SNTB1: variants seen among roughly 807,000 people sequenced by gnomAD.
The protein encoded by SNTB1 is beta-1-syntrophin.
A neutral mutation model predicts 48.9 loss-of-function variants in SNTB1; 36 were observed. The ratio of observed to expected loss-of-function variants is 0.74; its 90% confidence interval spans 0.56 to 0.97. The LOEUF (loss-of-function observed/expected upper bound fraction) is 0.97, where lower values mean the gene tolerates loss of function less well. Among genes scored for constraint, SNTB1 ranks in the 50% least tolerant of loss-of-function variants. The pLI, the probability that SNTB1 is intolerant of heterozygous loss-of-function variation, is 0.00. For missense variants in SNTB1, 786 were observed against 703.4 expected (o/e 1.12, Z -1.33); for synonymous variants, 299 against 294.6 (o/e 1.01, Z -0.15).
rs139405999 is a variant in SNTB1, at chr8:120,665,199, C to T, written c.788+28493G>A. ...GGGCATGGTGGCTTACACCTGTAAT[C>T]CCAGTGCTTTGGGAGGCCGAGGTGG... is the stretch of plus-strand genomic sequence containing the variant. On this transcript the variant is annotated intron_variant, in intron 2 of 6. Coordinates refer to ENST00000517992, the MANE Select transcript of SNTB1 (RefSeq NM_021021.4). Among the ~76,000 whole-genome samples, 8 of 152,176 alleles carry T rather than the reference C, an allele frequency of 5.3e-5. No individual in the cohort carries two copies. In the East Asian group the frequency reaches 1.5e-3, roughly 29 times the overall value.
At chr8:120,645,640 A>G (rs202110042) in intron 2 of SNTB1, among the ~76,000 whole-genome samples, 129 of 128,832 alleles carry the variant, frequency 1.0e-3, no homozygotes, top group African/African-American at 3.7e-3. Context: ...TTGACTTGGC[A>G]ATGCGGGCTC....
At chr8:120,674,873 T>C (rs991923911) in intron 2 of SNTB1, among the ~76,000 whole-genome samples, 2 of 152,164 alleles carry the variant, frequency 1.3e-5, no homozygotes, top group Non-Finnish European at 2.9e-5. Context: ...ATCCTAGTAA[T>C]TATAAGCTAG....
Position 120,587,408 on chromosome 8 carries a change from C to T in SNTB1, c.997-12183G>A, listed in dbSNP as rs552215694. On this transcript the variant is annotated intron_variant, in intron 3 of 6. Transcript: ENST00000517992. ...ACAATAATCCTCTGGCCCCAACCCACTACCCATTCCCCACTCCTTTACTAA... is the reference window on the plus strand; with the variant it reads ...ACAATAATCCTCTGGCCCCAACCCATTACCCATTCCCCACTCCTTTACTAA... Among the ~76,000 whole-genome samples, 3 of 152,372 alleles carry T rather than the reference C, an allele frequency of 2.0e-5. No individual in the cohort carries two copies. The East Asian group carries it at 5.8e-4, about 29-fold the overall frequency.
intron 4 of SNTB1, among the ~76,000 whole-genome samples, chr8:120,564,775 T>A (rs1275868918): frequency 6.6e-6 from 1 of 151,892 alleles, no homozygotes; most frequent in Non-Finnish European, 1.5e-5. Flanking sequence ...TTCACCACGT[T>A]GGTCAGGCTG....
At chr8:120,602,633 G>A (rs1460358429) in intron 3 of SNTB1, among the ~76,000 whole-genome samples, 2 of 152,064 alleles carry the variant, frequency 1.3e-5, no homozygotes, top group East Asian at 3.8e-4. Context: ...GTGTTTCTAT[G>A]TATCTATCTA....
At position 120,728,473 on chromosome 8, in the gene SNTB1, A is replaced by G. The variant is rs116600321; in HGVS notation, c.572-34565T>C. 9.1e-3 allele frequency among the ~76,000 whole-genome samples: 1,372 copies of G among 151,158 alleles called. 24 individuals are homozygous for G. The highest frequency in any genetic ancestry group is 0.032 in the African/African-American group (1,312 of 41,122). Reference sequence around the variant, plus strand: ...ATAGTACCCAACAGTTGATTTCTCAACCCTTGTCCCCACTCCCTCCCTCCC... The same window carrying G: ...ATAGTACCCAACAGTTGATTTCTCAGCCCTTGTCCCCACTCCCTCCCTCCC... On this transcript the variant is annotated intron_variant, in intron 1 of 6. Transcript: ENST00000517992.
chr8:120,673,376 C>A (rs970557102), intron 2 of SNTB1, among the ~76,000 whole-genome samples: 1 of 151,198 alleles, frequency 6.6e-6, no homozygotes, highest in African/African-American at 2.4e-5. Flanking sequence ...CTGCAACCTC[C>A]GTCTCCTGGG....
At chr8:120,655,327 T>G (rs1817482082) in intron 2 of SNTB1, among the ~76,000 whole-genome samples, 1 of 152,210 alleles carries the variant, frequency 6.6e-6, no homozygotes, top group Non-Finnish European at 1.5e-5. Flanking sequence ...CTACAAGATG[T>G]AAAAGAAAGA....
intron 2 of SNTB1, among the ~76,000 whole-genome samples, chr8:120,647,651 G>A (rs1214965556): frequency 1.5e-5 from 2 of 132,390 alleles, no homozygotes; most frequent in Admixed American, 7.7e-5. Context: ...TGTTGATTTG[G>A]GGTGGAGAGT....
At chr8:120,777,514 G>A (rs938173680) in intron 1 of SNTB1, among the ~76,000 whole-genome samples, 2 of 152,114 alleles carry the variant, frequency 1.3e-5, no homozygotes, top group East Asian at 3.8e-4. Flanking sequence ...ATTTGCCATG[G>A]ATATGTCCCA....
At chr8:120,798,182 A>G (rs1289932371) in intron 1 of SNTB1, among the ~76,000 whole-genome samples, 1 of 152,004 alleles carries the variant, frequency 6.6e-6, no homozygotes, top group Non-Finnish European at 1.5e-5. Context: ...TTGATTGTAG[A>G]TTAGAACCAC....
chr8:120,627,022 A>G (rs1816895174), intron 3 of SNTB1, among the ~76,000 whole-genome samples: 2 of 152,104 alleles, frequency 1.3e-5, no homozygotes, highest in Admixed American at 1.3e-4. Context: ...TGTCATATGG[A>G]TTTGTCACTG....
At chr8:120,546,150 T>G (rs1414469566) in intron 5 of SNTB1, among the ~76,000 whole-genome samples, 2 of 152,164 alleles carry the variant, frequency 1.3e-5, no homozygotes, top group Non-Finnish European at 2.9e-5. Flanking sequence ...ACAGCAACTA[T>G]TATATGAAAC....
chr8:120,550,011 T>C (rs1341643512), intron 4 of SNTB1, among the ~76,000 whole-genome samples: 1 of 152,118 alleles, frequency 6.6e-6, no homozygotes, highest in Non-Finnish European at 1.5e-5. Flanking sequence ...TAGATAAAAA[T>C]TGCACAGAGG....
chr8:120,547,592 C>CAAAAAAAAAAAAAAAAAAAAAAAAAAAA, intron 5 of SNTB1, among the ~76,000 whole-genome samples: 1 of 89,070 alleles, frequency 1.1e-5, no homozygotes, highest in Non-Finnish European at 2.1e-5. Flanking sequence ...AACACTGTCT[C>CAAAAAAAAAAAAAAAAAAAAAAAAAAAA]AAAAAAAAAA....
chr8:120,555,868 A>G (rs1165173909), intron 4 of SNTB1, among the ~76,000 whole-genome samples: 1 of 152,194 alleles, frequency 6.6e-6, no homozygotes, highest in Non-Finnish European at 1.5e-5. Flanking sequence ...TCACAGAGGA[A>G]AGACCACGTG....
chr8:120,744,960 C>A (rs1819101731), intron 1 of SNTB1, among the ~76,000 whole-genome samples: 2 of 152,216 alleles, frequency 1.3e-5, no homozygotes, highest in African/African-American at 4.8e-5. Flanking sequence ...ATGACAACTT[C>A]TTGCCCCCAA....
chr8:120,657,365 T>A (rs1297151661), intron 2 of SNTB1, among the ~76,000 whole-genome samples: 1 of 152,184 alleles, frequency 6.6e-6, no homozygotes, highest in African/African-American at 2.4e-5. Context: ...TAGGATGAGA[T>A]GTAAGTTTTA....
chr8:120,640,582 G>C (rs980690203), intron 2 of SNTB1, among the ~76,000 whole-genome samples: 1 of 152,144 alleles, frequency 6.6e-6, no homozygotes, highest in Non-Finnish European at 1.5e-5. Flanking sequence ...AGAGTTTTTA[G>C]CATGAAGGAC....
Sources: gnomAD v4.1 joint callset for allele counts (sites outside exome capture counted in the v4.1 genomes callset) on GRCh38, gnomAD v4.1.1 for gene constraint, MANE v1.5 for transcripts, NCBI Gene and HGNC (gene_info 2026-07-23, HGNC 2026-07-21) for gene names.